Variants in NME1 observed in about 807,000 individuals in gnomAD.
NME1 encodes NME/NM23 nucleoside diphosphate kinase 1, also known as nucleoside diphosphate kinase A.
A neutral mutation model predicts 17.2 loss-of-function variants in NME1; 9 were observed. The observed-to-expected ratio is 0.52, with a 90% CI of 0.32 to 0.92. NME1 has a LOEUF of 0.92. Among genes scored for constraint, NME1 ranks in the 40% least tolerant of loss-of-function variants. NME1 has a pLI of 0.04. For missense variants in NME1, 169 were observed against 201.7 expected, an observed-to-expected ratio of 0.84 and a Z score of 0.98; for synonymous variants, 72 against 70.8, an observed-to-expected ratio of 1.02 and a Z score of -0.09.
intron 1 of NME1, chr17:51,154,357 G>A: frequency 6.2e-7 from 1 of 1,613,398 alleles, no homozygotes; most frequent in Non-Finnish European, 8.5e-7. Flanking sequence ...TAAAGGACAG[G>A]AAGATGGGGC....
intron 2 of NME1, among the ~76,000 whole-genome samples, chr17:51,157,217 GA>G (rs1218042083): frequency 1.3e-5 from 2 of 151,406 alleles, no homozygotes; most frequent in African/African-American, 2.4e-5. Context: ...CAAAAAAAAA[GA>G]AAAAAAAGAA....
rs2318785 is a variant in NME1, at chr17:51,162,157, G to A, written c.*312G>A. On this transcript the variant is annotated 3_prime_UTR_variant, in exon 5 of 5. Coordinates refer to ENST00000393196, the MANE Select transcript of NME1 (RefSeq NM_000269.3). The stretch of plus-strand genomic sequence containing the variant: ...TACTATAAAAATGATTTATTTTGAG[G>A]TCTCACATACACACAGGCATTCTTT... 126,497 of 273,776 alleles carry A rather than the reference G, an allele frequency of 0.46. 29,731 individuals carry two copies. The highest frequency in any genetic ancestry group is 0.59 in the East Asian group (6,709 of 11,404). The allele number at this position is 273,776 out of a possible 1,614,324, so 17.0% of individuals were successfully genotyped here. A position where few individuals can be genotyped will look rare whatever the true frequency, so the allele number is the denominator to read the frequency against.
rs2318784 is a variant in NME1, at chr17:51,162,070, C to T, written c.*225C>T. ...TTGAGTTGGTTACTTCATATTGTTG[C>T]ATTGCTTTTTTTTCCTTCTTTTCAT... is the stretch of plus-strand genomic sequence containing the variant. On this transcript the variant is annotated 3_prime_UTR_variant, in exon 5 of 5. Transcript: ENST00000393196. 50,398 of 510,018 alleles carry T rather than the reference C, an allele frequency of 0.099. 2,768 individuals are homozygous for T. Among genetic ancestry groups the T allele is most frequent in the Non-Finnish European group, 0.11 (31,200 of 281,408 alleles). 31.6% of individuals were successfully genotyped at this position (510,018 alleles called of 1,614,324 possible).
At chr17:51,160,410 G>A (rs774728759) in intron 3 of NME1, 1 of 399,548 alleles carries the variant, frequency 2.5e-6, no homozygotes, top group Admixed American at 3.5e-5. Flanking sequence ...AACAGCATGT[G>A]CAAAGGTCCC....
chr17:51,157,936 C>T (rs1568121114), intron 2 of NME1, among the ~76,000 whole-genome samples: 1 of 152,070 alleles, frequency 6.6e-6, no homozygotes, highest in Non-Finnish European at 1.5e-5. Flanking sequence ...TTGAGGTTCC[C>T]AACCCCCAAG....
intron 2 of NME1, 163 bp downstream of exon 2, chr17:51,155,943 A>G: frequency 9.0e-7 from 1 of 1,107,070 alleles, no homozygotes; most frequent in Non-Finnish European, 1.3e-6. Context: ...GTTTGGCTAC[A>G]TCTTGGAACA....
chr17:51,159,745 T>C (rs1568121783), intron 2 of NME1, among the ~76,000 whole-genome samples: 1 of 152,136 alleles, frequency 6.6e-6, no homozygotes, highest in African/African-American at 2.4e-5. Context: ...ATTTTAATGT[T>C]CTGTGGTTTT....
intron 1 of NME1, chr17:51,154,497 A>G: frequency 2.0e-6 from 3 of 1,473,290 alleles, no homozygotes; most frequent in Non-Finnish European, 2.9e-6. Context: ...CGGAATAGTT[A>G]CTCTCTAGGC....
chr17:51,160,361 A>G (rs2049847572), intron 3 of NME1: 4 of 496,004 alleles, frequency 8.1e-6, no homozygotes, highest in Admixed American at 2.9e-5. Flanking sequence ...GCAGCCAGCC[A>G]TGTACAGAAT....
Position 51,160,132 on chromosome 17 carries a change from G to C in NME1, c.228+51G>C, listed in dbSNP as rs759522651. ...CAAGTATGCATTGCTTGTCATCTGT[G>C]CTAGGCTCTCTTCTAGACACTGGGG... is the stretch of plus-strand genomic sequence containing the variant. On this transcript the variant is annotated intron_variant, in intron 3 of 4. Coordinates refer to ENST00000393196, the MANE Select transcript of NME1 (RefSeq NM_000269.3). 8.8e-6 allele frequency: 14 copies of C among 1,599,038 alleles called. No homozygotes were observed. In the African/African-American group the frequency reaches 1.9e-4, roughly 21 times the overall value.
intron 1 of NME1, chr17:51,154,013 T>C (rs2049746066): frequency 3.2e-6 from 1 of 310,420 alleles, no homozygotes; most frequent in Admixed American, 4.4e-5. Flanking sequence ...CACTGAGTGC[T>C]TACTGTTGTG....
intron 2 of NME1, among the ~76,000 whole-genome samples, chr17:51,157,538 C>T (rs1598237420): frequency 2.0e-5 from 3 of 152,306 alleles, no homozygotes; most frequent in East Asian, 1.9e-4. Context: ...TTCCAACATA[C>T]GAACTTTGGG....
chr17:51,161,191 G>A lies in NME1; in HGVS notation c.260G>A (p.Gly87Asp). ...GAGGGGCTGAATGTGGTGAAGACGG[G>A]CCGAGTCATGCTCGGGGAGACCAAC... Reference protein sequence around the residue: ...VWEGLNVVKTGRVMLGETNPA... With the variant: ...VWEGLNVVKTDRVMLGETNPA... Residue 87 changes from glycine (G) to aspartate (D), a missense_variant, in exon 4 of 5, where the codon GGC becomes GAC. Transcript: ENST00000393196. 1 of 1,612,438 alleles carries A rather than the reference G, an allele frequency of 6.2e-7. No individual in the cohort carries two copies. The highest frequency in any genetic ancestry group is 1.1e-5 in the South Asian group (1 of 90,548).
chr17:51,154,566 C>G, intron 1 of NME1: 1 of 809,396 alleles, frequency 1.2e-6, no homozygotes, highest in Non-Finnish European at 2.1e-6. Flanking sequence ...TCTCCCACAC[C>G]CCACCGTTTA....
chr17:51,160,704 G>C (rs1206607884), intron 3 of NME1: 1 of 274,388 alleles, frequency 3.6e-6, no homozygotes, highest in Non-Finnish European at 7.0e-6. Context: ...CCACCTCCCG[G>C]GTTCACGCCA....
At position 51,160,710 on chromosome 17, in the gene NME1, C is replaced by T. The variant is rs371136878; in HGVS notation, c.229-450C>T. On this transcript the variant is annotated intron_variant, in intron 3 of 4. Coordinates refer to ENST00000393196, the MANE Select transcript of NME1 (RefSeq NM_000269.3). Reference sequence around the variant, plus strand: ...CCGCAAGCTCCACCTCCCGGGTTCACGCCATTCTCCTGCCTTAGCCTCCTG... The same window carrying T: ...CCGCAAGCTCCACCTCCCGGGTTCATGCCATTCTCCTGCCTTAGCCTCCTG... 1.2e-4 allele frequency: 33 copies of T among 278,938 alleles called. No individual in the cohort carries two copies. In the East Asian group the frequency reaches 1.5e-3, roughly 13 times the overall value. The allele number at this position is 278,938 out of a possible 1,614,324, so 17.3% of individuals were successfully genotyped here. A position where few individuals can be genotyped will look rare whatever the true frequency, so the allele number is the denominator to read the frequency against.
At chr17:51,155,921 C>A in intron 2 of NME1, 141 bp downstream of exon 2, 3 of 1,373,822 alleles carry the variant, frequency 2.2e-6, no homozygotes, top group Non-Finnish European at 2.0e-6. Flanking sequence ...GGAAACTCCT[C>A]AGTGCCCTAG....
At chr17:51,160,473 C>T (rs1180648570) in intron 3 of NME1, 8 of 365,620 alleles carry the variant, frequency 2.2e-5, no homozygotes, top group East Asian at 7.1e-5. Flanking sequence ...TTGAAATGCC[C>T]GAAGCCTGAT....
Position 51,161,253 on chromosome 17 carries a change from T to A in NME1, c.322T>A (p.Phe108Ile), listed in dbSNP as rs1359758758. 1.2e-6 allele frequency: 2 copies of A among 1,611,566 alleles called. No homozygotes were observed. Among genetic ancestry groups the A allele is most frequent in the Non-Finnish European group, 1.7e-6 (2 of 1,178,984 alleles). ...CAAGCCTGGGACCATCCGTGGAGACTTCTGCATACAAGTTGGCAGGTGAGA... is the reference window on the plus strand; with the variant it reads ...CAAGCCTGGGACCATCCGTGGAGACATCTGCATACAAGTTGGCAGGTGAGA... Reference protein sequence around the residue: ...DSKPGTIRGDFCIQVGRNIIH... With the variant: ...DSKPGTIRGDICIQVGRNIIH... Residue 108 changes from phenylalanine (F) to isoleucine (I), a missense_variant, in exon 4 of 5, where the codon TTC becomes ATC. Coordinates refer to ENST00000393196, the MANE Select transcript of NME1 (RefSeq NM_000269.3).
Sources: gnomAD v4.1 joint callset for allele counts (sites outside exome capture counted in the v4.1 genomes callset) on GRCh38, gnomAD v4.1.1 for gene constraint, MANE v1.5 for transcripts, NCBI Gene and HGNC (gene_info 2026-07-23, HGNC 2026-07-21) for gene names.